CLDN14: variants seen among roughly 807,000 people sequenced by gnomAD.
The protein encoded by CLDN14 is claudin-14.
Under a neutral mutation model 2.1 loss-of-function variants are expected in CLDN14, and 2 were observed. That is an observed-to-expected ratio of 0.96 (90% CI 0.39 to 3.01). The LOEUF is 3.01. CLDN14 is among the 30% of genes most tolerant of loss of function. The pLI is 0.09. For missense variants in CLDN14, 298 were observed against 328.0 expected, an observed-to-expected ratio of 0.91 and a Z score of 0.71; for synonymous variants, 136 against 154.4, an observed-to-expected ratio of 0.88 and a Z score of 0.88.
chr21:36,478,025 T>C (rs1325720798), intron 1 of CLDN14, among the ~76,000 whole-genome samples: 1 of 152,258 alleles, frequency 6.6e-6, no homozygotes, highest in East Asian at 1.9e-4. Flanking sequence ...GACTTCTTAC[T>C]CTGCGTAATG....
chr21:36,543,372 T>G (rs540200851), intron 1 of CLDN14, among the ~76,000 whole-genome samples: 1 of 152,286 alleles, frequency 6.6e-6, no homozygotes, highest in Admixed American at 6.5e-5. Context: ...TAGAAAAAGA[T>G]TCAAAGAAAT....
intron 1 of CLDN14, among the ~76,000 whole-genome samples, chr21:36,537,785 C>T (rs375962151): frequency 5.3e-5 from 8 of 151,932 alleles, no homozygotes; most frequent in Admixed American, 1.3e-4. Context: ...AAGTAGCTGG[C>T]GTTACAGGTG....
intron 1 of CLDN14, chr21:36,477,326 T>G (rs528916528): frequency 6.6e-6 from 1 of 152,352 alleles, no homozygotes; most frequent in Non-Finnish European, 1.5e-5. Flanking sequence ...GAGACGCTCT[T>G]GCAGTGTTCT....
At chr21:36,522,020 C>T (rs149301381) in intron 1 of CLDN14, among the ~76,000 whole-genome samples, 7 of 152,210 alleles carry the variant, frequency 4.6e-5, no homozygotes, top group Non-Finnish European at 1.0e-4. Context: ...CAAGTTATTA[C>T]CTGAAGTTTT....
At chr21:36,486,478 T>A in intron 2 of CLDN14, 1 of 1,550,602 alleles carries the variant, frequency 6.4e-7, no homozygotes. Context: ...CACTGGGATC[T>A]ACTCCAAATT....
intron 1 of CLDN14, among the ~76,000 whole-genome samples, chr21:36,542,301 C>T (rs1160429773): frequency 2.0e-5 from 3 of 152,194 alleles, no homozygotes; most frequent in Non-Finnish European, 2.9e-5. Flanking sequence ...AAACTTCGCA[C>T]CCCTTCTCAC....
intron 2 of CLDN14, among the ~76,000 whole-genome samples, chr21:36,495,399 A>G (rs2087007006): frequency 6.6e-6 from 1 of 152,226 alleles, no homozygotes. Flanking sequence ...GAATTGACTG[A>G]ATTTTGTTTA....
upstream of CLDN14, among the ~76,000 whole-genome samples, chr21:36,482,612 G>T (rs915258845): frequency 6.6e-6 from 1 of 152,230 alleles, no homozygotes; most frequent in Non-Finnish European, 1.5e-5. Flanking sequence ...AATTATGTAT[G>T]CAGAGATGCC....
chr21:36,521,531 G>A (rs1218680975), intron 1 of CLDN14, among the ~76,000 whole-genome samples: 1 of 152,164 alleles, frequency 6.6e-6, no homozygotes, highest in Non-Finnish European at 1.5e-5. Context: ...CAAAAACACA[G>A]ATTTTCACAA....
chr21:36,485,906 T>G (rs2086890262), intron 2 of CLDN14: 1 of 790,302 alleles, frequency 1.3e-6, no homozygotes, highest in African/African-American at 1.8e-5. Context: ...TGGTTACAGA[T>G]AACACACATC....
intron 2 of CLDN14, among the ~76,000 whole-genome samples, chr21:36,505,130 T>C (rs1404849552): frequency 1.3e-5 from 2 of 152,180 alleles, no homozygotes; most frequent in African/African-American, 2.4e-5. Context: ...ATCTCCACTA[T>C]ATGAGAACAG....
At chr21:36,570,719 A>G (rs2087703550) in intron 1 of CLDN14, among the ~76,000 whole-genome samples, 1 of 152,234 alleles carries the variant, frequency 6.6e-6, no homozygotes, top group Non-Finnish European at 1.5e-5. Flanking sequence ...TGAGTACATG[A>G]GTGTTTCTCA....
chr21:36,575,444 G>A (rs1297371008), intron 1 of CLDN14, among the ~76,000 whole-genome samples: 1 of 152,230 alleles, frequency 6.6e-6, no homozygotes. Context: ...ACAGGAGGGT[G>A]AAGTAACTTC....
At chr21:36,572,469 T>C (rs1365218716) in intron 1 of CLDN14, among the ~76,000 whole-genome samples, 1 of 152,136 alleles carries the variant, frequency 6.6e-6, no homozygotes, top group African/African-American at 2.4e-5. Context: ...TGGCCCAAGA[T>C]TGAAGAGGAA....
chr21:36,478,562 T>C (rs2086804584), intron 1 of CLDN14, among the ~76,000 whole-genome samples: 1 of 152,252 alleles, frequency 6.6e-6, no homozygotes, highest in African/African-American at 2.4e-5. Flanking sequence ...AGTGAGTGAC[T>C]GAGAGACACG....
intron 1 of CLDN14, among the ~76,000 whole-genome samples, chr21:36,465,088 C>G (rs2086628654): frequency 6.6e-6 from 1 of 152,128 alleles, no homozygotes; most frequent in South Asian, 2.1e-4. Context: ...CTAAGACAGT[C>G]CCAAGGAAAC....
intron 1 of CLDN14, among the ~76,000 whole-genome samples, chr21:36,476,802 A>G (rs1568848522): frequency 6.6e-6 from 1 of 152,266 alleles, no homozygotes; most frequent in Non-Finnish European, 1.5e-5. Flanking sequence ...CCCAAAGCAT[A>G]CACTCACAGT....
At chr21:36,497,177 GGGAGGAAGGGAGGGAA>G in intron 2 of CLDN14, among the ~76,000 whole-genome samples, 1 of 7,252 alleles carries the variant, frequency 1.4e-4, no homozygotes, top group African/African-American at 3.8e-4. Flanking sequence ...GAGGAAGGGA[GGGAGGAAGGGAGGGAA>G]GGAGGGAGGG....
intron 1 of CLDN14, among the ~76,000 whole-genome samples, chr21:36,532,696 T>C (rs1413329248): frequency 5.3e-5 from 8 of 152,054 alleles, no homozygotes; most frequent in Admixed American, 3.9e-4. Flanking sequence ...TTTGGTGGGG[T>C]TGAACGCCAA....
Sources: allele counts gnomAD v4.1 joint callset (sites outside exome capture counted in the v4.1 genomes callset), GRCh38; gene constraint gnomAD v4.1.1; transcripts MANE v1.5; gene names NCBI Gene and HGNC (gene_info 2026-07-23, HGNC 2026-07-21).